Variants in SPIDR observed in about 807,000 individuals in gnomAD.
SPIDR encodes scaffold protein involved in DNA repair, also known as DNA repair-scaffolding protein.
In SPIDR, 93 loss-of-function variants were observed where a neutral mutation model predicts 104.6. The ratio of observed to expected loss-of-function variants is 0.89; its 90% confidence interval spans 0.75 to 1.06. The LOEUF is 1.06. SPIDR is among the 50% of genes least tolerant of loss of function. SPIDR has a pLI of 0.00. For missense variants in SPIDR, 1,154 were observed against 1,111.2 expected (o/e 1.04, Z -0.55); for synonymous variants, 431 against 416.9 (o/e 1.03, Z -0.41).
chr8:47,368,326 A>G (rs1554636102), intron 5 of SPIDR, among the ~76,000 whole-genome samples: 1 of 127,134 alleles, frequency 7.9e-6, no homozygotes. Context: ...TAACAGAGTC[A>G]GAAGGAGTTG....
At chr8:47,473,157 A>C (rs1453019139) in intron 8 of SPIDR, among the ~76,000 whole-genome samples, 1 of 152,234 alleles carries the variant, frequency 6.6e-6, no homozygotes, top group African/African-American at 2.4e-5. Flanking sequence ...CATGAACAAA[A>C]TATTTTATAA....
At chr8:47,543,827 C>T (rs1039758463) in intron 8 of SPIDR, among the ~76,000 whole-genome samples, 1 of 152,122 alleles carries the variant, frequency 6.6e-6, no homozygotes, top group African/African-American at 2.4e-5. Context: ...GGAAGGGATG[C>T]ATTGTCAAGC....
At chr8:47,327,719 T>C (rs2154266167) in intron 5 of SPIDR, among the ~76,000 whole-genome samples, 1 of 152,160 alleles carries the variant, frequency 6.6e-6, no homozygotes, top group East Asian at 1.9e-4. Flanking sequence ...CGTGCCACCA[T>C]GCCTGGCTAA....
rs750281272 is a variant in SPIDR at position 47,713,635 on chromosome 8, G to T, written c.2335G>T (p.Val779Phe). The T allele has an allele frequency of 3.1e-6, 5 of 1,614,074 alleles. No homozygotes were observed. Among genetic ancestry groups the T allele is most frequent in the Middle Eastern group, 1.7e-4 (1 of 6,018 alleles). ...SATPVNSICS[V>F]QGTVVGVDES... The stretch of plus-strand genomic sequence containing the variant: ...AACACCTGTCAACTCCATCTGCAGT[G>T]TTCAAGGTAGGCAGCCATCTCACAG... Residue 779 changes from valine (V) to phenylalanine (F), a missense_variant, in exon 16 of 20, where the codon GTT becomes TTT. Transcript: ENST00000297423.
intron 8 of SPIDR, among the ~76,000 whole-genome samples, chr8:47,506,160 A>C (rs1017695365): frequency 2.0e-5 from 3 of 152,206 alleles, no homozygotes; most frequent in African/African-American, 4.8e-5. Context: ...TCTAAGCAGA[A>C]CATGTTTGGC....
At chr8:47,632,959 A>G (rs2067296911) in intron 10 of SPIDR, among the ~76,000 whole-genome samples, 1 of 152,214 alleles carries the variant, frequency 6.6e-6, no homozygotes. Context: ...CTGCCTCTGC[A>G]CCTTCAAGCC....
intron 8 of SPIDR, among the ~76,000 whole-genome samples, chr8:47,566,221 G>A (rs866693404): frequency 2.0e-5 from 3 of 151,076 alleles, no homozygotes; most frequent in Non-Finnish European, 4.4e-5. Flanking sequence ...GGTCAGGCTG[G>A]TCTTGAATTC....
At chr8:47,316,771 G>C (rs1450016648) in intron 5 of SPIDR, among the ~76,000 whole-genome samples, 1 of 152,178 alleles carries the variant, frequency 6.6e-6, no homozygotes, top group Non-Finnish European at 1.5e-5. Flanking sequence ...TTTGGAGTTT[G>C]AGTTCAGTGC....
chr8:47,601,244 G>T (rs538290987), intron 10 of SPIDR, among the ~76,000 whole-genome samples: 43 of 152,354 alleles, frequency 2.8e-4, no homozygotes, highest in African/African-American at 9.1e-4. Context: ...GCACATCTGA[G>T]ATTGCACAAT....
intron 8 of SPIDR, among the ~76,000 whole-genome samples, chr8:47,581,858 C>G (rs771221674): frequency 1.3e-5 from 2 of 152,148 alleles, no homozygotes; most frequent in Non-Finnish European, 2.9e-5. Context: ...TTGCCACTCT[C>G]CACAGACGAA....
chr8:47,604,388 G>A (rs755350626), intron 10 of SPIDR, among the ~76,000 whole-genome samples: 1 of 152,210 alleles, frequency 6.6e-6, no homozygotes, highest in Non-Finnish European at 1.5e-5. Flanking sequence ...TGCAGGAGCT[G>A]CAGTGTTTGC....
At chr8:47,590,462 A>G (rs931975457) in intron 8 of SPIDR, among the ~76,000 whole-genome samples, 4 of 152,144 alleles carry the variant, frequency 2.6e-5, no homozygotes, top group Non-Finnish European at 5.9e-5. Context: ...TTTAATTTCA[A>G]AGTGTTTGGA....
intron 8 of SPIDR, among the ~76,000 whole-genome samples, chr8:47,481,162 T>G (rs1273086129): frequency 6.6e-6 from 1 of 152,232 alleles, no homozygotes; most frequent in Admixed American, 6.5e-5. Flanking sequence ...TCTGACTGAC[T>G]TCTTGGTCAC....
At chr8:47,678,076 A>T (rs1261965854) in intron 11 of SPIDR, among the ~76,000 whole-genome samples, 2 of 151,870 alleles carry the variant, frequency 1.3e-5, no homozygotes, top group African/African-American at 4.8e-5. Context: ...TCTCTCACTT[A>T]TTCAGTAAAT....
intron 1 of SPIDR, 100 bp downstream of exon 1, chr8:47,261,091 G>A (rs569202771): frequency 2.3e-5 from 27 of 1,188,500 alleles, no homozygotes; most frequent in African/African-American, 1.4e-4. Flanking sequence ...GGTGAGAGAG[G>A]GTGGGCGTTG....
chr8:47,489,670 C>T (rs2078327918), intron 8 of SPIDR, among the ~76,000 whole-genome samples: 1 of 152,172 alleles, frequency 6.6e-6, no homozygotes, highest in Non-Finnish European at 1.5e-5. Context: ...ACCAATGGAA[C>T]AGAACAGAGC....
At chr8:47,735,095 GGT>G (rs146992468) in intron 19 of SPIDR, among the ~76,000 whole-genome samples, 9 of 146,130 alleles carry the variant, frequency 6.2e-5, no homozygotes, top group East Asian at 2.0e-4. Context: ...TGGGTGTGTG[GGT>G]GTGTGTGTGT....
intron 5 of SPIDR, among the ~76,000 whole-genome samples, chr8:47,322,939 C>G (rs993898823): frequency 1.3e-5 from 2 of 150,584 alleles, no homozygotes; most frequent in East Asian, 4.0e-4. Context: ...GGCCTGTTGT[C>G]GGGTGGGGGC....
chr8:47,437,147 G>T (rs999921636), intron 7 of SPIDR, among the ~76,000 whole-genome samples: 27 of 151,962 alleles, frequency 1.8e-4, no homozygotes, highest in Non-Finnish European at 3.8e-4. Context: ...ACATTGTGCA[G>T]GTTAGTTACA....
Sources: allele counts gnomAD v4.1 joint callset (sites outside exome capture counted in the v4.1 genomes callset), GRCh38; gene constraint gnomAD v4.1.1; transcripts MANE v1.5; gene names NCBI Gene and HGNC (gene_info 2026-07-23, HGNC 2026-07-21).